CENPW: variants seen among roughly 807,000 people sequenced by gnomAD.
CENPW encodes centromere protein W.
Under a neutral mutation model 11.1 loss-of-function variants are expected in CENPW, and 3 were observed. The ratio of observed to expected loss-of-function variants is 0.27; its 90% CI spans 0.12 to 0.70. The LOEUF (loss-of-function observed/expected upper bound fraction) is 0.70, where lower values mean the gene tolerates loss of function less well. Ranked by LOEUF, CENPW falls within the 30% of genes least tolerant of loss-of-function variation. CENPW has a pLI of 0.77. For missense variants in CENPW, 100 were observed against 105.6 expected (o/e 0.95, Z 0.23); for synonymous variants, 38 against 42.0 (o/e 0.91, Z 0.37).
chr6:126,349,746 C>G (rs1326904691), downstream of CENPW, among the ~76,000 whole-genome samples: 1 of 152,084 alleles, frequency 6.6e-6, no homozygotes, highest in Non-Finnish European at 1.5e-5. Flanking sequence ...TTGGTTATTA[C>G]AAATAAAATC....
the CENPW span, among the ~76,000 whole-genome samples, chr6:126,433,159 TC>T: frequency 2.0e-5 from 3 of 152,242 alleles, no homozygotes; most frequent in Non-Finnish European, 4.4e-5. Context: ...ATGACACATT[TC>T]ATTTAGAAAC....
chr6:126,435,921 A>AT, the CENPW span, among the ~76,000 whole-genome samples: 2 of 151,772 alleles, frequency 1.3e-5, no homozygotes, highest in Non-Finnish European at 2.9e-5. Context: ...ACTACACTGT[A>AT]TTTTTTTAAT....
the CENPW span, among the ~76,000 whole-genome samples, chr6:126,417,153 T>C: frequency 6.6e-6 from 1 of 152,170 alleles, no homozygotes; most frequent in Non-Finnish European, 1.5e-5. Flanking sequence ...AAGGAGATCA[T>C]TTTGGAGCTT....
chr6:126,449,102 A>G, the CENPW span, among the ~76,000 whole-genome samples: 1 of 151,118 alleles, frequency 6.6e-6, no homozygotes, highest in Non-Finnish European at 1.5e-5. Context: ...ATGTATGTAA[A>G]AAAACAAACC....
chr6:126,340,374 G>C lies in CENPW; in HGVS notation c.101G>C (p.Arg34Pro). The change falls in exon 1 of 3, where the codon CGT becomes CCT. Residue 34 changes from arginine (R) to proline (P), a missense_variant. By Grantham distance (103) the Arg-to-Pro change is moderately radical. Transcript: ENST00000368328. The stretch of plus-strand genomic sequence containing the variant: ...TTCAAGCGAAAGAAGCCTCAACTTC[G>C]TCTGGAGAAAAGTGGTGACTTATTG... ...RVFKRKKPQL[R>P]LEKSGDLLVH... 6.2e-7 allele frequency: 1 copy of C among 1,614,158 alleles called. No homozygotes were observed. The highest frequency in any genetic ancestry group is 2.2e-5 in the East Asian group (1 of 44,882).
the CENPW span, among the ~76,000 whole-genome samples, chr6:126,445,372 T>C: frequency 6.6e-6 from 1 of 151,188 alleles, no homozygotes; most frequent in African/African-American, 2.4e-5. Flanking sequence ...TTATTGAAGG[T>C]TTGGAAAGAT....
intron 1 of CENPW, 21 bp from the exon 2 acceptor site, chr6:126,346,184 C>T: frequency 7.0e-7 from 1 of 1,437,038 alleles, no homozygotes; most frequent in Non-Finnish European, 9.6e-7. Context: ...TAAAAATCCA[C>T]TTGGATTTTC....
At chr6:126,463,280 T>C in the CENPW span, among the ~76,000 whole-genome samples, 1 of 152,044 alleles carries the variant, frequency 6.6e-6, no homozygotes, top group Non-Finnish European at 1.5e-5. Flanking sequence ...GGAAGCTGTC[T>C]ATAAATTATG....
At chr6:126,392,621 T>C in the CENPW span, among the ~76,000 whole-genome samples, 1 of 152,024 alleles carries the variant, frequency 6.6e-6, no homozygotes, top group African/African-American at 2.4e-5. Context: ...TTGCATGTGT[T>C]GAACCATCCT....
At chr6:126,373,078 T>C in the CENPW span, among the ~76,000 whole-genome samples, 1 of 152,182 alleles carries the variant, frequency 6.6e-6, no homozygotes, top group Non-Finnish European at 1.5e-5. Flanking sequence ...ATATGGAAAA[T>C]AATAAATGTA....
chr6:126,462,775 A>T, the CENPW span, among the ~76,000 whole-genome samples: 3 of 152,102 alleles, frequency 2.0e-5, no homozygotes, highest in South Asian at 2.1e-4. Context: ...TTTGCCTGTA[A>T]CTGATGTAAT....
At chr6:126,402,139 C>G in the CENPW span, among the ~76,000 whole-genome samples, 1 of 151,952 alleles carries the variant, frequency 6.6e-6, no homozygotes, top group African/African-American at 2.4e-5. Context: ...TTTTGCACTT[C>G]CTATGCAGAA....
At chr6:126,353,225 CT>C (rs11423823), downstream of CENPW, among the ~76,000 whole-genome samples, 135 of 144,210 alleles carry the variant, frequency 9.4e-4, no homozygotes, top group Middle Eastern at 0.011. Context: ...CCTATGGGAT[CT>C]TTTTTTTTTT....
downstream of CENPW, among the ~76,000 whole-genome samples, chr6:126,352,558 C>A (rs1269210513): frequency 2.6e-5 from 4 of 152,076 alleles, no homozygotes; most frequent in African/African-American, 9.7e-5. Flanking sequence ...TTGAAGGAAT[C>A]TACCTTACTG....
the CENPW span, among the ~76,000 whole-genome samples, chr6:126,368,879 T>C: frequency 6.6e-6 from 1 of 152,100 alleles, no homozygotes; most frequent in Non-Finnish European, 1.5e-5. Context: ...TCTCCTGATC[T>C]CGTGATCCAC....
chr6:126,364,141 T>G, the CENPW span, among the ~76,000 whole-genome samples: 1 of 152,194 alleles, frequency 6.6e-6, no homozygotes, highest in Non-Finnish European at 1.5e-5. Flanking sequence ...ATACCTGGCA[T>G]TAAACCTGAG....
the CENPW span, among the ~76,000 whole-genome samples, chr6:126,424,422 A>T: frequency 7.2e-5 from 11 of 152,252 alleles, no homozygotes; most frequent in East Asian, 5.8e-4. Flanking sequence ...AGTGAAAGTA[A>T]TTGGGTATTT....
the CENPW span, among the ~76,000 whole-genome samples, chr6:126,420,287 A>T: frequency 6.6e-6 from 1 of 152,114 alleles, no homozygotes; most frequent in East Asian, 1.9e-4. Context: ...ACAAGTAGGA[A>T]TGGGAGAGAT....
At chr6:126,354,403 C>T in the CENPW span, among the ~76,000 whole-genome samples, 1 of 152,150 alleles carries the variant, frequency 6.6e-6, no homozygotes, top group African/African-American at 2.4e-5. Context: ...GCCAAAATCT[C>T]TGCTTTACTC....
Sources: gnomAD v4.1 joint callset for allele counts (sites outside exome capture counted in the v4.1 genomes callset) on GRCh38, gnomAD v4.1.1 for gene constraint, MANE v1.5 for transcripts, NCBI Gene and HGNC (gene_info 2026-07-23, HGNC 2026-07-21) for gene names.